The following CAPZB variants were observed in gnomAD, a reference collection of about 807,000 sequenced individuals.
The protein encoded by CAPZB is capping actin protein of muscle Z-line subunit beta.
CAPZB carries 2 observed loss-of-function variants against 38.1 expected under a neutral mutation model. That is an observed-to-expected ratio of 0.05 (90% CI 0.02 to 0.17). CAPZB has a LOEUF of 0.17. Among genes scored for constraint, CAPZB ranks in the 10% least tolerant of loss-of-function variants. CAPZB has a pLI of 1.00. For missense variants in CAPZB, 161 were observed against 334.2 expected, an observed-to-expected ratio of 0.48 and a Z score of 4.04; for synonymous variants, 107 against 127.4, an observed-to-expected ratio of 0.84 and a Z score of 1.08.
intron 1 of CAPZB, among the ~76,000 whole-genome samples, chr1:19,482,215 T>C (rs1290862344): frequency 6.6e-6 from 1 of 152,240 alleles, no homozygotes; most frequent in Non-Finnish European, 1.5e-5. Context: ...ATCATTTCCT[T>C]AATCTCAAGC....
At chr1:19,372,311 G>C (rs909930295) in intron 4 of CAPZB, among the ~76,000 whole-genome samples, 1 of 152,230 alleles carries the variant, frequency 6.6e-6, no homozygotes, top group Non-Finnish European at 1.5e-5. Flanking sequence ...CAAGCCAAGA[G>C]CCAAGGACTT....
intron 2 of CAPZB, among the ~76,000 whole-genome samples, chr1:19,405,611 T>C (rs1430019878): frequency 1.3e-5 from 2 of 149,982 alleles, no homozygotes; most frequent in African/African-American, 4.9e-5. Flanking sequence ...GCAAATCTCC[T>C]GAAGAGTTTT....
chr1:19,387,578 T>C (rs991428463), intron 2 of CAPZB, among the ~76,000 whole-genome samples: 1 of 152,220 alleles, frequency 6.6e-6, no homozygotes, highest in Non-Finnish European at 1.5e-5. Flanking sequence ...GCCTCAACTT[T>C]TGCCTGGAAC....
chr1:19,406,060 G>A lies in CAPZB; in HGVS notation c.93+13601C>T, dbSNP rs533551092. Among the ~76,000 whole-genome samples, 5 of 152,332 alleles carry A rather than the reference G, an allele frequency of 3.3e-5. No homozygotes were observed. In the East Asian group the frequency reaches 9.6e-4, roughly 29 times the overall value. ...CTCTGTGCGTGCTATGACTGACAGG[G>A]TCTCTAATGAACCTTAATTGTGAGC... On this transcript the variant is annotated intron_variant, in intron 2 of 8. Transcript: ENST00000264202.
At chr1:19,367,234 T>C (rs914669276) in intron 4 of CAPZB, among the ~76,000 whole-genome samples, 1 of 152,166 alleles carries the variant, frequency 6.6e-6, no homozygotes, top group African/African-American at 2.4e-5. Context: ...GCACTCAAGA[T>C]GCATCTGGCA....
intron 2 of CAPZB, among the ~76,000 whole-genome samples, chr1:19,395,898 TGCC>T (rs1282816897): frequency 6.6e-6 from 1 of 152,232 alleles, no homozygotes; most frequent in Non-Finnish European, 1.5e-5. Context: ...CAGGAGAAGC[TGCC>T]GCCTACAGCC....
chr1:19,473,256 G>A (rs891611264), intron 1 of CAPZB, among the ~76,000 whole-genome samples: 1 of 152,182 alleles, frequency 6.6e-6, no homozygotes, highest in African/African-American at 2.4e-5. Flanking sequence ...GGCCATCTCT[G>A]CCCCTTCCTA....
At position 19,441,148 on chromosome 1, in the gene CAPZB, T is replaced by C. The variant is rs188386964; in HGVS notation, c.4-21398A>G. ...CCACGAAATTTGAAAATATACATCA[T>C]ATAAACGTAAGCAAGGCTGAAAACA... On this transcript the variant is annotated intron_variant, in intron 1 of 8. Coordinates refer to ENST00000264202, the MANE Select transcript of CAPZB (RefSeq NM_004930.5). Among the ~76,000 whole-genome samples the C allele has an allele frequency of 4.5e-4, 68 of 152,336 alleles. 1 individual carries two copies. The East Asian group carries it at 0.012, about 27-fold the overall frequency.
chr1:19,451,715 T>G (rs2094516721), intron 1 of CAPZB, among the ~76,000 whole-genome samples: 1 of 150,792 alleles, frequency 6.6e-6, no homozygotes, highest in Admixed American at 6.6e-5. Flanking sequence ...ACATGGACAG[T>G]GTGGAAATAT....
chr1:19,437,330 T>A (rs528671790), intron 1 of CAPZB, among the ~76,000 whole-genome samples: 22 of 152,278 alleles, frequency 1.4e-4, no homozygotes, highest in Admixed American at 5.2e-4. Context: ...GCTCAAAGAC[T>A]GGGATATCAT....
Position 19,339,357 on chromosome 1 carries a change from G to A in CAPZB, c.*173C>T, listed in dbSNP as rs917272209. 1.2e-5 allele frequency: 8 copies of A among 667,726 alleles called. No individual in the cohort carries two copies. Among genetic ancestry groups the A allele is most frequent in the African/African-American group, 5.3e-5 (3 of 56,084 alleles). The allele number at this position is 667,726 out of a possible 1,614,324, so 41.4% of individuals were successfully genotyped here. A position where few individuals can be genotyped will look rare whatever the true frequency, so the allele number is the denominator to read the frequency against. On this transcript the variant is annotated 3_prime_UTR_variant, in exon 9 of 9. Transcript: ENST00000264202. ...GGCAGAAGCAGGCTCGGAGCCGGAGGAGGGTGGCTATCGGCTTTATTCTCA... is the reference window on the plus strand; with the variant it reads ...GGCAGAAGCAGGCTCGGAGCCGGAGAAGGGTGGCTATCGGCTTTATTCTCA...
intron 2 of CAPZB, among the ~76,000 whole-genome samples, chr1:19,398,039 C>T (rs1047956539): frequency 2.0e-5 from 3 of 152,084 alleles, no homozygotes; most frequent in Non-Finnish European, 4.4e-5. Context: ...TTAGCAGAAA[C>T]GAGACACCTG....
chr1:19,475,573 G>A lies in CAPZB; in HGVS notation c.3+9863C>T, dbSNP rs10157298. Among the ~76,000 whole-genome samples, 1,076 of 152,272 alleles carry A rather than the reference G, an allele frequency of 7.1e-3. 12 individuals are homozygous for A. Among genetic ancestry groups the A allele is most frequent in the South Asian group, 0.025 (119 of 4,824 alleles). ...CTGCCCCATCTCGGGGGCAGACCCC[G>A]CTCGGCTCCTCTGTTCTCGACTGAG... On this transcript the variant is annotated intron_variant, in intron 1 of 8. Transcript: ENST00000264202.
chr1:19,416,362 T>C (rs886436050), intron 2 of CAPZB, among the ~76,000 whole-genome samples: 1 of 152,114 alleles, frequency 6.6e-6, no homozygotes, highest in Admixed American at 6.5e-5. Context: ...AAACCAGACC[T>C]CCCGGCGCTC....
chr1:19,442,606 ACACT>A (rs141357551), intron 1 of CAPZB, among the ~76,000 whole-genome samples: 26,534 of 152,068 alleles, frequency 0.17, 2,612 homozygotes, highest in South Asian at 0.29. Flanking sequence ...CAGTTTTCTC[ACACT>A]CACACTCGCA....
chr1:19,447,129 T>G (rs2094498713), intron 1 of CAPZB, among the ~76,000 whole-genome samples: 1 of 152,160 alleles, frequency 6.6e-6, no homozygotes, highest in Non-Finnish European at 1.5e-5. Context: ...CCTCACTGGG[T>G]GCAAGCTCTC....
rs2093910445 is a variant in CAPZB, at chr1:19,338,800, T to G, written c.*730A>C. The stretch of plus-strand genomic sequence containing the variant: ...TAACTGCGCCCCAGTTTCTTTTTAT[T>G]GATTTCTTTTCTTTTCTTTTTTTAA... On this transcript the variant is annotated 3_prime_UTR_variant, in exon 9 of 9. Transcript: ENST00000264202. 1 of 152,554 alleles carries G rather than the reference T, an allele frequency of 6.6e-6. No homozygotes were observed. Among genetic ancestry groups the G allele is most frequent in the Non-Finnish European group, 1.5e-5 (1 of 68,056 alleles). 9.5% of individuals were successfully genotyped at this position (152,554 alleles called of 1,614,324 possible).
chr1:19,383,446 C>CAAAAAAAAAA (rs528617668), intron 3 of CAPZB, among the ~76,000 whole-genome samples: 2 of 118,064 alleles, frequency 1.7e-5, no homozygotes, highest in East Asian at 2.6e-4. Context: ...GACTCTGTCT[C>CAAAAAAAAAA]AAAAAAAAAA....
At position 19,339,197 on chromosome 1, in the gene CAPZB, T is replaced by G; in HGVS notation, c.*333A>C. The G allele has an allele frequency of 9.6e-6, 3 of 313,946 alleles. No homozygotes were observed. The highest frequency in any genetic ancestry group is 1.8e-5 in the Non-Finnish European group (3 of 168,546). The allele number at this position is 313,946 out of a possible 1,614,324, so 19.4% of individuals were successfully genotyped here. The stretch of plus-strand genomic sequence containing the variant: ...TTTTTACACCAATGTACCAAAAAGG[T>G]GGGAGGGAAGGGAGGCTGGCAGACA... On this transcript the variant is annotated 3_prime_UTR_variant, in exon 9 of 9. Coordinates refer to ENST00000264202, the MANE Select transcript of CAPZB (RefSeq NM_004930.5).
Sources: allele counts gnomAD v4.1 joint callset (sites outside exome capture counted in the v4.1 genomes callset), GRCh38; gene constraint gnomAD v4.1.1; transcripts MANE v1.5; gene names NCBI Gene and HGNC (gene_info 2026-07-23, HGNC 2026-07-21).